ATL1: variants seen among roughly 807,000 people sequenced by gnomAD.
ATL1 encodes atlastin GTPase 1.
Under a neutral mutation model 75.5 loss-of-function variants are expected in ATL1, and 31 were observed. The observed-to-expected ratio is 0.41, with a 90% CI of 0.31 to 0.55. The LOEUF (loss-of-function observed/expected upper bound fraction) is 0.55. ATL1 is among the 20% of genes least tolerant of loss of function. The pLI, the probability that ATL1 is intolerant of heterozygous loss-of-function variation, is 0.27. For missense variants in ATL1, 405 were observed against 662.6 expected, an observed-to-expected ratio of 0.61 and a Z score of 4.27; for synonymous variants, 226 against 233.3, an observed-to-expected ratio of 0.97 and a Z score of 0.28.
rs77136210 is a variant in ATL1, at chr14:50,629,018, T to C, written c.1551+556T>C. Among the ~76,000 whole-genome samples, 703 of 152,310 alleles carry C rather than the reference T, an allele frequency of 4.6e-3. 9 individuals carry two copies. Among genetic ancestry groups the C allele is most frequent in the African/African-American group, 0.016 (672 of 41,560 alleles). On this transcript the variant is annotated intron_variant, in intron 12 of 13. Coordinates refer to ENST00000358385, the MANE Select transcript of ATL1 (RefSeq NM_015915.5). ...TAGGCGTGAGCCACCCAGCCTACTT[T>C]TTATTATTCTAAAAATGTTATATCT...
At chr14:50,538,031 G>A (rs1034288642) in intron 1 of ATL1, among the ~76,000 whole-genome samples, 3 of 152,188 alleles carry the variant, frequency 2.0e-5, no homozygotes, top group African/African-American at 7.2e-5. Flanking sequence ...GCCGGGGGCA[G>A]AATGGTATGG....
At chr14:50,551,863 A>C in intron 1 of ATL1, among the ~76,000 whole-genome samples, 1 of 152,202 alleles carries the variant, frequency 6.6e-6, no homozygotes, top group Non-Finnish European at 1.5e-5. Context: ...GACATACCTC[A>C]AAGTAATAAA....
intron 6 of ATL1, among the ~76,000 whole-genome samples, chr14:50,612,283 G>A (rs1389059029): frequency 6.6e-6 from 1 of 152,006 alleles, no homozygotes; most frequent in Non-Finnish European, 1.5e-5. Context: ...CAGGAGGAGG[G>A]GCTTATGGAG....
chr14:50,566,448 A>T (rs2038904930), intron 1 of ATL1, among the ~76,000 whole-genome samples: 1 of 152,144 alleles, frequency 6.6e-6, no homozygotes, highest in East Asian at 1.9e-4. Flanking sequence ...GAAGAGCCTA[A>T]TATAAAGGGA....
intron 6 of ATL1, among the ~76,000 whole-genome samples, chr14:50,606,416 A>G (rs981315186): frequency 6.6e-6 from 1 of 151,930 alleles, no homozygotes; most frequent in Non-Finnish European, 1.5e-5. Flanking sequence ...CTGTAACATA[A>G]AAGTTAATCA....
chr14:50,557,501 T>C (rs1198512194), upstream of ATL1, among the ~76,000 whole-genome samples: 1 of 152,226 alleles, frequency 6.6e-6, no homozygotes, highest in Non-Finnish European at 1.5e-5. Context: ...CACTCTGTAT[T>C]AGCTTATAAA....
intron 9 of ATL1, 99 bp from the exon 10 acceptor site, chr14:50,621,744 T>C (rs2039468587): frequency 2.6e-6 from 2 of 767,826 alleles, no homozygotes; most frequent in Admixed American, 2.4e-5. Flanking sequence ...TTCCTGAAAA[T>C]ATTTTTTGAA....
intron 1 of ATL1, among the ~76,000 whole-genome samples, chr14:50,547,277 T>C (rs182695027): frequency 3.3e-5 from 5 of 152,282 alleles, no homozygotes; most frequent in African/African-American, 1.2e-4. Flanking sequence ...TAATTTAAAA[T>C]CTTAAAATTA....
chr14:50,588,869 T>C (rs933190360), intron 2 of ATL1, among the ~76,000 whole-genome samples: 3 of 152,246 alleles, frequency 2.0e-5, no homozygotes, highest in Non-Finnish European at 4.4e-5. Flanking sequence ...TAATTAATAA[T>C]AATCACAATT....
intron 1 of ATL1, among the ~76,000 whole-genome samples, chr14:50,546,113 T>C (rs552539969): frequency 6.6e-6 from 1 of 152,316 alleles, no homozygotes; most frequent in South Asian, 2.1e-4. Context: ...ATGTAAATGT[T>C]AGAAACTCAT....
chr14:50,619,114 G>A (rs1242746805), intron 8 of ATL1, among the ~76,000 whole-genome samples: 2 of 151,710 alleles, frequency 1.3e-5, no homozygotes, highest in African/African-American at 2.4e-5. Flanking sequence ...GTGCAGTGGC[G>A]TGATCTCAGC....
chr14:50,562,681 A>G (rs2038861913), intron 1 of ATL1, among the ~76,000 whole-genome samples: 1 of 152,228 alleles, frequency 6.6e-6, no homozygotes. Context: ...TAGAATCACT[A>G]TAGTGTTTAC....
intron 6 of ATL1, among the ~76,000 whole-genome samples, chr14:50,608,454 GCAAATGCTA>G (rs1386494037): frequency 4.2e-5 from 6 of 143,782 alleles, no homozygotes; most frequent in Non-Finnish European, 7.7e-5. Flanking sequence ...ACAGAAATTG[GCAAATGCTA>G]CAAATCAAGG....
intron 8 of ATL1, 44 bp from the exon 9 acceptor site, chr14:50,620,555 G>T: frequency 1.3e-6 from 2 of 1,589,984 alleles, no homozygotes; most frequent in Non-Finnish European, 1.7e-6. Flanking sequence ...ATGGAGGACT[G>T]GGAAGGATTC....
chr14:50,591,870 A>G (rs1595600534), intron 4 of ATL1: 1 of 468,580 alleles, frequency 2.1e-6, no homozygotes, highest in Non-Finnish European at 3.8e-6. Context: ...AGAAAAGGTC[A>G]TATTATCTTA....
chr14:50,596,072 G>A (rs534814322), intron 6 of ATL1, among the ~76,000 whole-genome samples: 3 of 152,144 alleles, frequency 2.0e-5, no homozygotes, highest in Admixed American at 6.6e-5. Context: ...CACATACTAA[G>A]TGAAGGAAAA....
chr14:50,599,142 G>A (rs1395662255), intron 6 of ATL1, among the ~76,000 whole-genome samples: 1 of 152,118 alleles, frequency 6.6e-6, no homozygotes, highest in Non-Finnish European at 1.5e-5. Flanking sequence ...TAATCAAAAT[G>A]AACAGATTGG....
chr14:50,549,993 A>G (rs1304648749), intron 1 of ATL1, among the ~76,000 whole-genome samples: 11 of 152,198 alleles, frequency 7.2e-5, no homozygotes, highest in African/African-American at 1.7e-4. Context: ...CTGTGCTCCT[A>G]AGAACACCAG....
rs541087955 is a variant in ATL1, at chr14:50,628,225, C to G, written c.1314C>G (p.Ser438Arg). 1.2e-6 allele frequency: 2 copies of G among 1,614,130 alleles called. No homozygotes were observed. Among genetic ancestry groups the G allele is most frequent in the Non-Finnish European group, 1.7e-6 (2 of 1,180,022 alleles). Residue 438 changes from serine (S) to arginine (R), a missense_variant, in exon 12 of 14, where the codon AGC (serine) becomes AGG (arginine). By Grantham distance (110) the Ser-to-Arg change is moderately radical. Around this residue, in one of 5 missense-constraint regions of ATL1, gnomAD observed 163 missense variants for 244.1 expected, o/e 0.67. Transcript: ENST00000358385. ...TCCAATATATCAAGCACAATGATAG[C>G]AAAAATATCTTCCATGCAGCTCGTA... ...LYIQYIKHNDSKNIFHAARTP... is the reference protein window; with the variant it reads ...LYIQYIKHNDRKNIFHAARTP...
Sources: gnomAD v4.1 joint callset for allele counts (sites outside exome capture counted in the v4.1 genomes callset) on GRCh38, gnomAD v4.1.1 for gene constraint, gnomAD v4.1.1 regional missense constraint, MANE v1.5 for transcripts, NCBI Gene and HGNC (gene_info 2026-07-23, HGNC 2026-07-21) for gene names.